Variants in NTM observed in about 807,000 individuals in gnomAD.
NTM encodes the protein neurotrimin.
In NTM, 13 loss-of-function variants were observed where a neutral mutation model predicts 42.1. The ratio of observed to expected loss-of-function variants is 0.31; its 90% CI spans 0.20 to 0.49. The LOEUF (loss-of-function observed/expected upper bound fraction) is 0.49, where lower values mean the gene tolerates loss of function less well. NTM is among the 20% of genes least tolerant of loss of function. The pLI is 0.99. For synonymous variants in NTM, 187 were observed against 179.2 expected (o/e 1.04, Z -0.35); for missense variants, 373 against 452.8 (o/e 0.82, Z 1.60).
intron 2 of NTM, among the ~76,000 whole-genome samples, chr11:131,994,725 C>G (rs1397753228): frequency 6.6e-6 from 1 of 152,162 alleles, no homozygotes; most frequent in Admixed American, 6.5e-5. Flanking sequence ...ACTAACTCCC[C>G]AGTTTATGTT....
At chr11:132,137,321 T>C (rs536234999) in intron 2 of NTM, among the ~76,000 whole-genome samples, 294 of 152,310 alleles carry the variant, frequency 1.9e-3, no homozygotes, top group Non-Finnish European at 3.1e-3. Context: ...TGTTTCTTCT[T>C]CGCAGCTCCT....
intron 2 of NTM, among the ~76,000 whole-genome samples, chr11:132,115,980 T>A (rs1031047042): frequency 2.0e-5 from 3 of 152,232 alleles, no homozygotes; most frequent in African/African-American, 7.2e-5. Context: ...ATTCATCCAT[T>A]GGTTGACTGC....
At chr11:131,452,434 A>G (rs1284168333) in intron 1 of NTM, among the ~76,000 whole-genome samples, 1 of 152,188 alleles carries the variant, frequency 6.6e-6, no homozygotes, top group African/African-American at 2.4e-5. Flanking sequence ...ACCTCCACAG[A>G]TGGCTACTTC....
At chr11:131,642,899 A>T (rs2065303168) in intron 1 of NTM, among the ~76,000 whole-genome samples, 1 of 152,172 alleles carries the variant, frequency 6.6e-6, no homozygotes, top group Non-Finnish European at 1.5e-5. Context: ...CTCTGTACCC[A>T]AAACGTGAAG....
At chr11:131,734,534 G>A (rs769535822) in intron 1 of NTM, among the ~76,000 whole-genome samples, 40 of 152,120 alleles carry the variant, frequency 2.6e-4, no homozygotes, top group Non-Finnish European at 3.4e-4. Flanking sequence ...AGCCCCTGCC[G>A]AGAGGGGTGA....
At chr11:132,046,305 A>AT (rs2077978396) in intron 2 of NTM, among the ~76,000 whole-genome samples, 1 of 151,886 alleles carries the variant, frequency 6.6e-6, no homozygotes, top group Non-Finnish European at 1.5e-5. Flanking sequence ...TATTGTATTT[A>AT]TTTTTTGTTG....
chr11:131,844,108 C>T (rs757196907), intron 1 of NTM, among the ~76,000 whole-genome samples: 2 of 151,890 alleles, frequency 1.3e-5, no homozygotes, highest in East Asian at 1.9e-4. Context: ...ATTTCCTACC[C>T]GAAAAACATA....
At chr11:131,843,996 CT>C (rs149779459) in intron 1 of NTM, among the ~76,000 whole-genome samples, 5,826 of 151,406 alleles carry the variant, frequency 0.038, 381 homozygotes, top group African/African-American at 0.13. Context: ...ATGATGTCTT[CT>C]TTTTTTTGTA....
chr11:132,194,112 A>G (rs1404841232), intron 3 of NTM, among the ~76,000 whole-genome samples: 2 of 65,182 alleles, frequency 3.1e-5, no homozygotes, highest in Non-Finnish European at 6.4e-5. Context: ...AACTCATTCT[A>G]TGAAGCCAGC....
intron 2 of NTM, among the ~76,000 whole-genome samples, chr11:131,952,435 A>G (rs73580793): frequency 6.6e-6 from 1 of 152,210 alleles, no homozygotes; most frequent in African/African-American, 2.4e-5. Flanking sequence ...ATATATTTAT[A>G]TACATACACA....
chr11:131,967,826 T>G (rs1393315964), intron 2 of NTM, among the ~76,000 whole-genome samples: 3 of 152,146 alleles, frequency 2.0e-5, no homozygotes, highest in Non-Finnish European at 4.4e-5. Context: ...GAAATCTGGT[T>G]TCTATCTGAA....
intron 1 of NTM, among the ~76,000 whole-genome samples, chr11:131,824,345 G>T (rs2041883458): frequency 6.6e-6 from 1 of 152,180 alleles, no homozygotes; most frequent in South Asian, 2.1e-4. Context: ...TTTGTTGAGT[G>T]TCCGCTAAGC....
chr11:131,717,461 C>A (rs2077829850), intron 1 of NTM, among the ~76,000 whole-genome samples: 1 of 152,094 alleles, frequency 6.6e-6, no homozygotes, highest in African/African-American at 2.4e-5. Flanking sequence ...GTCAAATTTA[C>A]CTCTAAGTAT....
At chr11:131,642,236 C>G (rs1033267310) in intron 1 of NTM, among the ~76,000 whole-genome samples, 2 of 152,136 alleles carry the variant, frequency 1.3e-5, no homozygotes, top group African/African-American at 2.4e-5. Context: ...GAAGCAAGCT[C>G]TAGCTTGTGA....
At chr11:132,259,875 A>G (rs2092736557) in intron 4 of NTM, among the ~76,000 whole-genome samples, 1 of 151,868 alleles carries the variant, frequency 6.6e-6, no homozygotes, top group South Asian at 2.1e-4. Flanking sequence ...CAGCCTGCCA[A>G]GAAGCTGGGA....
At chr11:131,410,326 A>T (rs1180385984) in intron 1 of NTM, among the ~76,000 whole-genome samples, 2 of 151,902 alleles carry the variant, frequency 1.3e-5, no homozygotes, top group East Asian at 1.9e-4. Flanking sequence ...TAAAATAAAT[A>T]AATTAATAAA....
chr11:131,795,860 C>G (rs1451946495), intron 1 of NTM: 24 of 984,584 alleles, frequency 2.4e-5, no homozygotes, highest in Non-Finnish European at 2.8e-5. Context: ...ACAGGGTGCT[C>G]CTGAACCATA....
intron 1 of NTM, among the ~76,000 whole-genome samples, chr11:131,782,441 A>C (rs957333076): frequency 1.3e-5 from 2 of 152,068 alleles, no homozygotes; most frequent in Non-Finnish European, 2.9e-5. Context: ...GGAAATAATA[A>C]CAAATCTATA....
chr11:131,806,181 G>A (rs375569178), intron 1 of NTM, among the ~76,000 whole-genome samples: 2 of 152,268 alleles, frequency 1.3e-5, no homozygotes, highest in East Asian at 3.9e-4. Context: ...CAGTAATTGA[G>A]TTTTTCTGTA....
Sources: allele counts gnomAD v4.1 joint callset (sites outside exome capture counted in the v4.1 genomes callset), GRCh38; gene constraint gnomAD v4.1.1; transcripts MANE v1.5; gene names NCBI Gene and HGNC (gene_info 2026-07-23, HGNC 2026-07-21).